Variants in RNF43 observed in about 807,000 individuals in gnomAD.
RNF43 encodes the protein E3 ubiquitin-protein ligase RNF43.
In RNF43, 37 loss-of-function variants were observed where a neutral mutation model predicts 78.4. That is an observed-to-expected ratio of 0.47 (90% confidence interval 0.36 to 0.62). The LOEUF (loss-of-function observed/expected upper bound fraction) is 0.62, where lower values mean the gene tolerates loss of function less well. Ranked by LOEUF, RNF43 falls within the 20% of genes least tolerant of loss-of-function variation. The pLI is 0.00. For synonymous variants in RNF43, 347 were observed against 395.0 expected (o/e 0.88, Z 1.44); for missense variants, 774 against 1,007.9 (o/e 0.77, Z 3.14).
At chr17:58,386,458 CAAG>C (rs1440630409) in intron 2 of RNF43, among the ~76,000 whole-genome samples, 1 of 152,096 alleles carries the variant, frequency 6.6e-6, no homozygotes, top group Non-Finnish European at 1.5e-5. Flanking sequence ...CAACACCGTG[CAAG>C]AAGATCATTG....
At chr17:58,402,754 T>C (rs1324202417) in intron 2 of RNF43, 2 of 152,374 alleles carry the variant, frequency 1.3e-5, no homozygotes, top group African/African-American at 4.8e-5. Context: ...GTTGTGTCTC[T>C]TTATGCCTGA....
At position 58,397,432 on chromosome 17, in the gene RNF43, G is replaced by A. The variant is rs566734657; in HGVS notation, c.252+17894C>T. On this transcript the variant is annotated intron_variant, in intron 2 of 9. Transcript: ENST00000407977. Reference sequence around the variant, plus strand: ...TCCCAGCACTTTGGGAGGCTGAGGCGGGAGGACCACCTGAGGTCAGGAGTT... The same window carrying A: ...TCCCAGCACTTTGGGAGGCTGAGGCAGGAGGACCACCTGAGGTCAGGAGTT... 9.2e-5 allele frequency among the ~76,000 whole-genome samples: 14 copies of A among 152,220 alleles called. No individual in the cohort carries two copies. In the East Asian group the frequency reaches 2.5e-3, roughly 27 times the overall value.
rs2143430477 is a variant in RNF43, at chr17:58,358,898, G to A, written c.953-75C>T. On this transcript the variant is annotated intron_variant, in intron 8 of 9. Coordinates refer to ENST00000407977, the MANE Select transcript of RNF43 (RefSeq NM_017763.6). The surrounding 1 kb of genome is among the most constrained non-coding windows in gnomAD (Gnocchi z 6.2). ...AGAATGCATTCAGAAAGACATGGCT[G>A]TAGCTAATCTATTTGACCCTGAGTA... The A allele has an allele frequency of 7.2e-7, 1 of 1,384,674 alleles. No homozygotes were observed. The highest frequency in any genetic ancestry group is 9.5e-7 in the Non-Finnish European group (1 of 1,056,712). 85.8% of individuals were successfully genotyped at this position (1,384,674 alleles called of 1,614,324 possible).
chr17:58,405,406 A>G (rs1973884193), intron 2 of RNF43, among the ~76,000 whole-genome samples: 1 of 151,926 alleles, frequency 6.6e-6, no homozygotes, highest in Non-Finnish European at 1.5e-5. Flanking sequence ...ACTTTAAGCT[A>G]CTTGAAGTTG....
intron 9 of RNF43, 102 bp from the exon 10 acceptor site, chr17:58,355,088 G>A (rs1972660217): frequency 7.6e-6 from 8 of 1,046,186 alleles, no homozygotes; most frequent in South Asian, 3.9e-5. Context: ...ACCACAGGGA[G>A]GGAGAAGCAG....
At chr17:58,394,326 C>T (rs2143615803) in intron 2 of RNF43, among the ~76,000 whole-genome samples, 1 of 152,186 alleles carries the variant, frequency 6.6e-6, no homozygotes, top group Admixed American at 6.5e-5. Flanking sequence ...TAGAATGTGG[C>T]CGCATGCTCT....
intron 3 of RNF43, among the ~76,000 whole-genome samples, chr17:58,365,439 G>A (rs1405873223): frequency 6.6e-6 from 1 of 152,158 alleles, no homozygotes; most frequent in East Asian, 1.9e-4. Flanking sequence ...TGGAGATTTT[G>A]TTATTTCCCC....
At chr17:58,353,060 A>G (rs1972597162), downstream of RNF43, 1 of 212,066 alleles carries the variant, frequency 4.7e-6, no homozygotes, top group Non-Finnish European at 9.5e-6. Context: ...TGTCCTCGCA[A>G]TAGCCCGAGT....
intron 2 of RNF43, among the ~76,000 whole-genome samples, chr17:58,371,814 G>C (rs1284568171): frequency 3.9e-5 from 6 of 152,204 alleles, no homozygotes; most frequent in Non-Finnish European, 8.8e-5. Context: ...AGCCCAGCTG[G>C]TGCTGAACAA....
At chr17:58,401,823 TAAAA>T (rs3030936) in intron 2 of RNF43, among the ~76,000 whole-genome samples, 18 of 144,422 alleles carry the variant, frequency 1.2e-4, no homozygotes, top group African/African-American at 4.0e-4. Flanking sequence ...ATTCCTAGCA[TAAAA>T]AAAAAAAAAA....
At chr17:58,383,672 C>T (rs1973370235) in intron 2 of RNF43, among the ~76,000 whole-genome samples, 1 of 152,108 alleles carries the variant, frequency 6.6e-6, no homozygotes, top group African/African-American at 2.4e-5. Flanking sequence ...GGCTGGAGTG[C>T]AATGGCGTGA....
At chr17:58,412,889 G>T (rs370713828) in intron 2 of RNF43, among the ~76,000 whole-genome samples, 5 of 151,514 alleles carry the variant, frequency 3.3e-5, no homozygotes, top group Admixed American at 1.3e-4. Flanking sequence ...GCATCCTCAA[G>T]TTTAAAAAGA....
intron 3 of RNF43, among the ~76,000 whole-genome samples, chr17:58,366,835 A>G (rs1487451129): frequency 2.0e-5 from 3 of 151,994 alleles, no homozygotes; most frequent in African/African-American, 7.3e-5. Context: ...AATTATAATT[A>G]TTATTTTTGA....
Position 58,357,850 on chromosome 17 carries a change from CA to C in RNF43, c.1925del (p.Leu642CysfsTer58), listed in dbSNP as rs891685263. On this transcript the variant is annotated frameshift_variant, in exon 9 of 10. Transcript: ENST00000407977. LOFTEE classifies it high-confidence loss of function. The surrounding 1 kb of genome is among the most constrained non-coding windows in gnomAD (Gnocchi z 4.5). ...ICPSTSSLFN[L>X]QKSSLSARHP... ...GTCGGGCAGAGAGGCTGGATTTTTG[CA>C]AGTTGAACAGACTGCTGGTACTGGG... 6.2e-7 allele frequency: 1 copy of C among 1,613,974 alleles called. No homozygotes were observed. The highest frequency in any genetic ancestry group is 1.3e-5 in the African/African-American group (1 of 74,888).
At position 58,358,801 on chromosome 17, in the gene RNF43, G is replaced by A; in HGVS notation, c.975C>T (p.Ser325=). 1 of 1,522,158 alleles carries A rather than the reference G, an allele frequency of 6.6e-7. No homozygotes were observed. The highest frequency in any genetic ancestry group is 8.8e-7 in the Non-Finnish European group (1 of 1,136,556). 94.3% of individuals were successfully genotyped at this position (1,522,158 alleles called of 1,614,324 possible). A position where few individuals can be genotyped will look rare whatever the true frequency, so the allele number is the denominator to read the frequency against. Residue 325 remains serine, a synonymous_variant, in exon 9 of 10, where the codon TCC becomes TCT. Coordinates refer to ENST00000407977, the MANE Select transcript of RNF43 (RefSeq NM_017763.6). The surrounding 1 kb of genome is among the most constrained non-coding windows in gnomAD (Gnocchi z 6.2). ...CTTGGTAAGATCGAGAGGGTCCCAG[G>A]GACTGGGAAAATGAATCTCCCTCTG... The part of the protein sequence containing the change: ...NITEGDSFSQ[S]LGPSRSYQEP...
chr17:58,360,047 C>T lies in RNF43; in HGVS notation c.952+102G>A. On this transcript the variant is annotated intron_variant, in intron 8 of 9. Coordinates refer to ENST00000407977, the MANE Select transcript of RNF43 (RefSeq NM_017763.6). The surrounding 1 kb of genome is among the most constrained non-coding windows in gnomAD (Gnocchi z 4.3). ...AGCCCATACAACTATGGTGGCAGTT[C>T]TGCTTTCTCCCCAGCTTCAAGGCTG... 2 of 846,844 alleles carry T rather than the reference C, an allele frequency of 2.4e-6. No homozygotes were observed. The highest frequency in any genetic ancestry group is 2.9e-5 in the South Asian group (2 of 68,814). 52.5% of individuals were successfully genotyped at this position (846,844 alleles called of 1,614,324 possible).
rs777370175 is a variant in RNF43, at chr17:58,358,620, G to T, written c.1156C>A (p.Arg386=). The change falls in exon 9 of 10, where the codon CGG becomes AGG. Residue 386 remains arginine (R), a synonymous_variant. Transcript: ENST00000407977. The surrounding 1 kb of genome is among the most constrained non-coding windows in gnomAD (Gnocchi z 6.2). ...GCAGCTCTGGGGAAGCGGTGATGCC[G>T]AGGGCCCATGCCTGGCTCCTGGGAT... ...LPSQEPGMGP[R]HHRFPRAAHP... is the part of the protein sequence containing the mutation. 6.4e-7 allele frequency: 1 copy of T among 1,555,174 alleles called. No individual in the cohort carries two copies. Among genetic ancestry groups the T allele is most frequent in the Non-Finnish European group, 8.7e-7 (1 of 1,148,808 alleles).
rs2526372 is a variant in RNF43 at position 58,363,165 on chromosome 17, G to A, written c.582+110C>T. On this transcript the variant is annotated intron_variant, in intron 5 of 9. Transcript: ENST00000407977. Reference sequence around the variant, plus strand: ...CTGATGGATGAAGTTGGACTAGAGGGTTTCCAGGATCTCTCGCAGCTCCAG... The same window carrying A: ...CTGATGGATGAAGTTGGACTAGAGGATTTCCAGGATCTCTCGCAGCTCCAG... 0.17 allele frequency: 236,385 copies of A among 1,367,128 alleles called. 22,061 individuals are homozygous for A. Among genetic ancestry groups the A allele is most frequent in the Middle Eastern group, 0.2 (1,070 of 5,434 alleles). The allele number at this position is 1,367,128 out of a possible 1,614,324, so 84.7% of individuals were successfully genotyped here.
chr17:58,388,914 G>GA (rs987399707), intron 2 of RNF43, among the ~76,000 whole-genome samples: 11 of 152,164 alleles, frequency 7.2e-5, no homozygotes, highest in Admixed American at 6.5e-4. Context: ...TTGTCTGACT[G>GA]AAAAAATAGA....
Sources: allele counts gnomAD v4.1 joint callset (sites outside exome capture counted in the v4.1 genomes callset), GRCh38; gene constraint gnomAD v4.1.1; non-coding constraint Gnocchi (gnomAD v3.1); transcripts MANE v1.5; gene names NCBI Gene and HGNC (gene_info 2026-07-23, HGNC 2026-07-21).